Variants in ADAMTSL1 observed in about 807,000 individuals in gnomAD.
ADAMTSL1 encodes ADAMTS like 1.
ADAMTSL1 carries 126 observed loss-of-function variants against 201.8 expected under a neutral mutation model. That is an observed-to-expected ratio of 0.62 (90% CI 0.54 to 0.72). The LOEUF is 0.72. ADAMTSL1 is among the 30% of genes least tolerant of loss of function. The pLI is 0.00. For missense variants in ADAMTSL1, 2,679 were observed against 2,277.8 expected (o/e 1.18, Z -3.59); for synonymous variants, 1,121 against 903.4 (o/e 1.24, Z -4.32).
chr9:18,735,787 G>A (rs535507602), intron 15 of ADAMTSL1, among the ~76,000 whole-genome samples: 1 of 119,086 alleles, frequency 8.4e-6, no homozygotes, highest in African/African-American at 3.2e-5. Flanking sequence ...GTCTTGCTCT[G>A]TCGTCCAGGC....
At chr9:18,289,410 CATAAA>C (rs1179043240) in intron 2 of ADAMTSL1, among the ~76,000 whole-genome samples, 1 of 152,156 alleles carries the variant, frequency 6.6e-6, no homozygotes, top group Non-Finnish European at 1.5e-5. Flanking sequence ...CAAGTTCACA[CATAAA>C]ATTAACCATC....
chr9:18,812,643 C>G (rs1381529010), intron 20 of ADAMTSL1, among the ~76,000 whole-genome samples: 1 of 152,126 alleles, frequency 6.6e-6, no homozygotes, highest in Non-Finnish European at 1.5e-5. Context: ...AGTGTTTCCT[C>G]TATGTTTTTT....
chr9:17,986,889 T>C (rs963247034), intron 1 of ADAMTSL1, among the ~76,000 whole-genome samples: 3 of 152,048 alleles, frequency 2.0e-5, no homozygotes, highest in Non-Finnish European at 4.4e-5. Context: ...TAAAGGTAAA[T>C]AAAAAAGTGC....
chr9:18,197,754 T>C (rs1829247189), intron 2 of ADAMTSL1, among the ~76,000 whole-genome samples: 1 of 151,798 alleles, frequency 6.6e-6, no homozygotes, highest in Non-Finnish European at 1.5e-5. Context: ...CCCTGTCTTG[T>C]GCCAGTTTTC....
chr9:18,151,797 T>C (rs570088889), intron 1 of ADAMTSL1, among the ~76,000 whole-genome samples: 2 of 152,116 alleles, frequency 1.3e-5, no homozygotes, highest in Non-Finnish European at 2.9e-5. Context: ...TAAATAATAA[T>C]ATGCTGTGCT....
intron 4 of ADAMTSL1, among the ~76,000 whole-genome samples, chr9:18,599,769 GAATATAATTAAATTAT>G (rs1479373053): frequency 1.3e-5 from 2 of 150,704 alleles, no homozygotes; most frequent in Non-Finnish European, 3.0e-5. Flanking sequence ...GCCAGTATTT[GAATATAATTAAATTAT>G]ATTTATATAA....
intron 24 of ADAMTSL1, 41 bp downstream of exon 24, chr9:18,888,084 G>C (rs775028047): frequency 6.3e-7 from 1 of 1,580,918 alleles, no homozygotes; most frequent in Non-Finnish European, 8.7e-7. Context: ...ACTTGAACAA[G>C]AAAGCCCACT....
chr9:18,442,844 C>T (rs950887157), intron 2 of ADAMTSL1, among the ~76,000 whole-genome samples: 1 of 152,200 alleles, frequency 6.6e-6, no homozygotes, highest in Non-Finnish European at 1.5e-5. Context: ...GTCGGTGCTG[C>T]CCTCCAAGGG....
chr9:18,183,205 C>A (rs978966573), intron 2 of ADAMTSL1, among the ~76,000 whole-genome samples: 5 of 152,138 alleles, frequency 3.3e-5, no homozygotes, highest in Admixed American at 1.3e-4. Flanking sequence ...TGGGCATAGA[C>A]CTTACACCCT....
At chr9:18,571,366 G>A (rs1822287260) in intron 3 of ADAMTSL1, among the ~76,000 whole-genome samples, 1 of 152,122 alleles carries the variant, frequency 6.6e-6, no homozygotes, top group Non-Finnish European at 1.5e-5. Flanking sequence ...TTTAAGAGGA[G>A]TTTGGAACCA....
intron 4 of ADAMTSL1, among the ~76,000 whole-genome samples, chr9:18,608,576 C>A (rs1825177245): frequency 2.0e-5 from 3 of 152,110 alleles, no homozygotes; most frequent in Admixed American, 2.0e-4. Flanking sequence ...GCTCATTTTT[C>A]CATTGTCATA....
rs1830483869 is a variant in ADAMTSL1 at position 18,681,696 on chromosome 9, GT to G, written c.1342-115del. ...GTATAAATTTACCAGGAGTCCTCGT[GT>G]GGGGGGGGGGGGCGGGGAAAAAGAA... On this transcript the variant is annotated intron_variant, in intron 11 of 28. Coordinates refer to ENST00000380548, the MANE Select transcript of ADAMTSL1 (RefSeq NM_001040272.6). 5.6e-4 allele frequency: 370 copies of G among 664,602 alleles called. 5 individuals carry two copies. The highest frequency in any genetic ancestry group is 1.4e-3 in the South Asian group (52 of 36,140). The allele number at this position is 664,602 out of a possible 1,614,324, so 41.2% of individuals were successfully genotyped here.
At chr9:18,539,115 T>C (rs1443173413) in intron 3 of ADAMTSL1, among the ~76,000 whole-genome samples, 1 of 152,186 alleles carries the variant, frequency 6.6e-6, no homozygotes, top group Non-Finnish European at 1.5e-5. Flanking sequence ...ATTCTAGCAG[T>C]TGAAAATAAG....
intron 1 of ADAMTSL1, among the ~76,000 whole-genome samples, chr9:18,109,427 C>A (rs10119770): frequency 0.1 from 15,476 of 152,130 alleles, 1,156 homozygotes; most frequent in African/African-American, 0.21. Context: ...GTTGGCCAGT[C>A]TGGGACATTC....
At chr9:18,298,270 G>C (rs1055807530) in intron 2 of ADAMTSL1, among the ~76,000 whole-genome samples, 14 of 152,174 alleles carry the variant, frequency 9.2e-5, no homozygotes, top group African/African-American at 3.1e-4. Context: ...AAGTACCAGA[G>C]AGCCGTGCAG....
chr9:18,902,721 C>A (rs1047737632), intron 26 of ADAMTSL1, among the ~76,000 whole-genome samples: 7 of 152,008 alleles, frequency 4.6e-5, no homozygotes, highest in African/African-American at 7.2e-5. Context: ...CTAAACCTAA[C>A]GCTAGCAGAA....
chr9:18,577,208 A>C (rs764134765), intron 4 of ADAMTSL1, among the ~76,000 whole-genome samples: 3 of 152,200 alleles, frequency 2.0e-5, no homozygotes, highest in Non-Finnish European at 2.9e-5. Flanking sequence ...AGTTGGGGCC[A>C]GGCACGGTGT....
chr9:18,289,010 A>G (rs1248316755), intron 2 of ADAMTSL1, among the ~76,000 whole-genome samples: 1 of 152,366 alleles, frequency 6.6e-6, no homozygotes, highest in African/African-American at 2.4e-5. Flanking sequence ...AAATTACTTT[A>G]AACTGTAAAT....
chr9:18,903,938 C>T (rs1439591299), intron 26 of ADAMTSL1, among the ~76,000 whole-genome samples: 1 of 149,320 alleles, frequency 6.7e-6, no homozygotes, highest in Non-Finnish European at 1.5e-5. Flanking sequence ...TAGTAACTCA[C>T]TGAGATATAC....
Sources: gnomAD v4.1 joint callset for allele counts (sites outside exome capture counted in the v4.1 genomes callset) on GRCh38, gnomAD v4.1.1 for gene constraint, MANE v1.5 for transcripts, NCBI Gene and HGNC (gene_info 2026-07-23, HGNC 2026-07-21) for gene names.